Variants in RANBP2 observed in about 807,000 individuals in gnomAD.
The protein encoded by RANBP2 is E3 SUMO-protein ligase RanBP2.
In RANBP2, 57 loss-of-function variants were observed where a neutral mutation model predicts 303.6. That is an observed-to-expected ratio of 0.19 (90% CI 0.15 to 0.23). RANBP2 has a LOEUF of 0.23. Among genes scored for constraint, RANBP2 ranks in the 10% least tolerant of loss-of-function variants. The pLI is 1.00. For missense variants in RANBP2, 3,138 were observed against 3,780.8 expected (o/e 0.83, Z 4.46); for synonymous variants, 1,167 against 1,301.5 (o/e 0.90, Z 2.23).
the RANBP2 span, among the ~76,000 whole-genome samples, chr2:109,122,139 G>C: frequency 6.6e-6 from 1 of 152,324 alleles, no homozygotes; most frequent in Non-Finnish European, 1.5e-5. Flanking sequence ...ATTCAGGAGG[G>C]AACACGCTTT....
At chr2:109,464,653 G>T in the RANBP2 span, among the ~76,000 whole-genome samples, 2 of 152,060 alleles carry the variant, frequency 1.3e-5, no homozygotes, top group Non-Finnish European at 1.5e-5. Context: ...TTTTTAAAGA[G>T]ACTTTATTTT....
the RANBP2 span, among the ~76,000 whole-genome samples, chr2:109,009,067 T>C: frequency 6.6e-5 from 10 of 151,416 alleles, no homozygotes; most frequent in Admixed American, 1.3e-4. Flanking sequence ...AGGCTGGGCA[T>C]GGTGGCTCGA....
chr2:109,190,726 G>A, the RANBP2 span, among the ~76,000 whole-genome samples: 4 of 152,178 alleles, frequency 2.6e-5, no homozygotes, highest in East Asian at 7.7e-4. Flanking sequence ...GGTGTTGGGT[G>A]TCTCCCTTCT....
chr2:109,658,187 CCTGTAATCCCAG>C, the RANBP2 span, among the ~76,000 whole-genome samples: 1 of 151,974 alleles, frequency 6.6e-6, no homozygotes, highest in South Asian at 2.1e-4. Context: ...GTGGCTCATG[CCTGTAATCCCAG>C]CACTTTGAGA....
At chr2:108,754,017 G>C in intron 15 of RANBP2, 46 bp downstream of exon 15, 7 of 1,611,262 alleles carry the variant, frequency 4.3e-6, no homozygotes, top group Non-Finnish European at 5.9e-6. Flanking sequence ...ATAACCCACT[G>C]GTCAATGTTT....
At chr2:109,138,718 G>A in the RANBP2 span, among the ~76,000 whole-genome samples, 2 of 152,230 alleles carry the variant, frequency 1.3e-5, no homozygotes, top group Non-Finnish European at 2.9e-5. Flanking sequence ...ATGAATGGTG[G>A]CCCAGGTGCT....
the RANBP2 span, among the ~76,000 whole-genome samples, chr2:109,383,127 G>C: frequency 6.6e-6 from 1 of 152,240 alleles, no homozygotes; most frequent in African/African-American, 2.4e-5. Flanking sequence ...GGCAGACCTT[G>C]TGAGTGCTTG....
At chr2:109,651,396 A>C in the RANBP2 span, among the ~76,000 whole-genome samples, 56 of 152,086 alleles carry the variant, frequency 3.7e-4, no homozygotes, top group Non-Finnish European at 4.3e-4. Context: ...CATGACACCT[A>C]CTCCTGCTGC....
chr2:109,081,768 C>T, the RANBP2 span, among the ~76,000 whole-genome samples: 2 of 152,230 alleles, frequency 1.3e-5, no homozygotes, highest in African/African-American at 2.4e-5. Flanking sequence ...CTGCCGCCGC[C>T]AGGGAGCCCT....
At chr2:109,108,839 C>G in the RANBP2 span, among the ~76,000 whole-genome samples, 1 of 152,148 alleles carries the variant, frequency 6.6e-6, no homozygotes, top group African/African-American at 2.4e-5. Flanking sequence ...GTCTGGCTTA[C>G]AAAGCCCAAA....
At chr2:109,527,496 AC>A in the RANBP2 span, among the ~76,000 whole-genome samples, 1 of 152,022 alleles carries the variant, frequency 6.6e-6, no homozygotes. Flanking sequence ...GGACTGGAAG[AC>A]CCCCAAGAGG....
At chr2:108,822,311 C>T in the RANBP2 span, among the ~76,000 whole-genome samples, 1 of 151,980 alleles carries the variant, frequency 6.6e-6, no homozygotes, top group Non-Finnish European at 1.5e-5. Context: ...TATTATAAAG[C>T]AAACATTGAC....
chr2:109,428,092 G>C, the RANBP2 span, among the ~76,000 whole-genome samples: 4 of 152,238 alleles, frequency 2.6e-5, no homozygotes, highest in South Asian at 8.3e-4. Context: ...TCCCTGCAGA[G>C]TGGGTGCTGC....
chr2:109,176,740 A>T, the RANBP2 span, among the ~76,000 whole-genome samples: 2 of 152,164 alleles, frequency 1.3e-5, no homozygotes, highest in Admixed American at 1.3e-4. Flanking sequence ...CTGTCTCTAA[A>T]AAAGAAGGCA....
the RANBP2 span, among the ~76,000 whole-genome samples, chr2:109,054,850 C>T: frequency 1.8e-4 from 27 of 152,302 alleles, no homozygotes; most frequent in African/African-American, 6.3e-4. Flanking sequence ...TTTCTATCAC[C>T]ATAGCTTAGT....
At chr2:109,184,837 G>C in the RANBP2 span, among the ~76,000 whole-genome samples, 1 of 152,210 alleles carries the variant, frequency 6.6e-6, no homozygotes, top group East Asian at 1.9e-4. Context: ...TTACGTGGTT[G>C]TCCAGAAAAC....
the RANBP2 span, among the ~76,000 whole-genome samples, chr2:109,569,227 G>A: frequency 1.4e-4 from 22 of 152,060 alleles, no homozygotes; most frequent in Non-Finnish European, 2.2e-4. Flanking sequence ...TCGGGAGTTC[G>A]AGACCAGCCT....
At chr2:108,992,475 A>G in the RANBP2 span, among the ~76,000 whole-genome samples, 6 of 152,186 alleles carry the variant, frequency 3.9e-5, no homozygotes, top group Non-Finnish European at 8.8e-5. Flanking sequence ...CCTGCTACTA[A>G]TTACTGTCTC....
At chr2:109,437,231 C>T in the RANBP2 span, 1 of 1,488,290 alleles carries the variant, frequency 6.7e-7, no homozygotes, top group Non-Finnish European at 9.0e-7. Context: ...TGGCCCAAGG[C>T]TCCAGCAGTG....
Sources: gnomAD v4.1 joint callset for allele counts (sites outside exome capture counted in the v4.1 genomes callset) on GRCh38, gnomAD v4.1.1 for gene constraint, MANE v1.5 for transcripts, NCBI Gene and HGNC (gene_info 2026-07-23, HGNC 2026-07-21) for gene names.